MAST2: variants seen among roughly 807,000 people sequenced by gnomAD.
MAST2 encodes the protein microtubule associated serine/threonine kinase 2, also known as microtubule-associated serine/threonine-protein kinase 2.
Under a neutral mutation model 147.4 loss-of-function variants are expected in MAST2, and 70 were observed. The ratio of observed to expected loss-of-function variants is 0.47; its 90% CI spans 0.39 to 0.58. MAST2 has a LOEUF of 0.58. MAST2 is among the 20% of genes least tolerant of loss of function. MAST2 has a pLI of 0.00. For synonymous variants in MAST2, 869 were observed against 896.8 expected (o/e 0.97, Z 0.55); for missense variants, 2,080 against 2,302.3 (o/e 0.90, Z 1.98).
chr1:45,805,449 G>A (rs186427665), intron 1 of MAST2, among the ~76,000 whole-genome samples: 12 of 67,052 alleles, frequency 1.8e-4, no homozygotes, highest in African/African-American at 3.8e-4. Context: ...TCTCTGCCCC[G>A]CTTCTAGCTG....
At position 45,839,113 on chromosome 1, in the gene MAST2, A is replaced by AT. The variant is rs1645193432; in HGVS notation, c.468+9532_468+9533insT. Among the ~76,000 whole-genome samples, 4 of 145,894 alleles carry AT rather than the reference A, an allele frequency of 2.7e-5. No individual in the cohort carries two copies. The Admixed American group carries it at 2.8e-4, about 10-fold the overall frequency. ...GTCAGCCTCCCAAGTGGCTGGGACT[A>AT]CAGGCACCATCACAAATTTTTTTTT... On this transcript the variant is annotated intron_variant, in intron 3 of 28. Transcript: ENST00000361297.
chr1:45,810,083 T>C (rs1644246828), intron 1 of MAST2, among the ~76,000 whole-genome samples: 1 of 152,240 alleles, frequency 6.6e-6, no homozygotes, highest in Non-Finnish European at 1.5e-5. Flanking sequence ...TGTCTAACAA[T>C]GCAGAGCTAA....
chr1:45,938,609 C>T (rs1015381807), intron 4 of MAST2, among the ~76,000 whole-genome samples: 1 of 152,214 alleles, frequency 6.6e-6, no homozygotes, highest in Non-Finnish European at 1.5e-5. Context: ...TTACAGGTGT[C>T]AGCCACTGCG....
In MAST2 at chr1:46,034,959, T is replaced by G; in HGVS notation, c.4290T>G (p.Leu1430=). 3.1e-6 allele frequency: 5 copies of G among 1,614,070 alleles called. No homozygotes were observed. Among genetic ancestry groups the G allele is most frequent in the Non-Finnish European group, 4.2e-6 (5 of 1,180,008 alleles). The stretch of plus-strand genomic sequence containing the variant: ...TAGCCACTTCTCGCAAGCACAGCCT[T>G]GACCTGCCCCACTCTGAACTAAAGA... ...KKLATSRKHS[L]DLPHSELKKE... is the part of the protein sequence containing the mutation. Residue 1430 remains leucine (L), a synonymous_variant, in exon 29 of 29, where the codon CTT becomes CTG. Coordinates refer to ENST00000361297, the MANE Select transcript of MAST2 (RefSeq NM_015112.3).
chr1:45,928,300 A>G (rs1274781435), intron 4 of MAST2, among the ~76,000 whole-genome samples: 1 of 152,244 alleles, frequency 6.6e-6, no homozygotes, highest in Non-Finnish European at 1.5e-5. Flanking sequence ...TAATCACAGT[A>G]TTATTACCAC....
chr1:45,935,947 T>G (rs560388071), intron 4 of MAST2, among the ~76,000 whole-genome samples: 9 of 152,382 alleles, frequency 5.9e-5, no homozygotes, highest in African/African-American at 2.2e-4. Flanking sequence ...GTTGGTAGTT[T>G]GAGAGGAATA....
rs564511182 is a variant in MAST2 at position 45,890,533 on chromosome 1, T to A, written c.500+8138T>A. Among the ~76,000 whole-genome samples, 74 of 152,286 alleles carry A rather than the reference T, an allele frequency of 4.9e-4. 1 individual carries two copies. The South Asian group carries it at 0.014, about 30-fold the overall frequency. On this transcript the variant is annotated intron_variant, in intron 4 of 28. Transcript: ENST00000361297. The stretch of plus-strand genomic sequence containing the variant: ...CTTCTTCCTTCTCCCTCCTTCCTTA[T>A]TTTTTCCTTCATTTTCAAGCCCAAC...
intron 1 of MAST2, among the ~76,000 whole-genome samples, chr1:45,818,292 C>T (rs947412826): frequency 1.3e-5 from 2 of 152,150 alleles, no homozygotes; most frequent in East Asian, 3.8e-4. Flanking sequence ...AGACTGACAG[C>T]AGACCACCAA....
At chr1:45,945,779 G>C (rs1488675002) in intron 4 of MAST2, among the ~76,000 whole-genome samples, 1 of 152,198 alleles carries the variant, frequency 6.6e-6, no homozygotes, top group Non-Finnish European at 1.5e-5. Context: ...GTCTAGAAAT[G>C]TAACCTGTGA....
chr1:46,023,675 GCATTA>G lies in MAST2; in HGVS notation c.1572-96_1572-92del. On this transcript the variant is annotated intron_variant, in intron 14 of 28. Transcript: ENST00000361297. The surrounding 1 kb of genome is among the most constrained non-coding windows in gnomAD (Gnocchi z 4.9). ...GCATGCCCTTGCCCCCTTGTTCTGT[GCATTA>G]ATTAAGGTGTGAGAGAAGGCAGTTT... 2 of 1,096,596 alleles carry G rather than the reference GCATTA, an allele frequency of 1.8e-6. No homozygotes were observed. Among genetic ancestry groups the G allele is most frequent in the Non-Finnish European group, 2.7e-6 (2 of 746,870 alleles). 67.9% of individuals were successfully genotyped at this position (1,096,596 alleles called of 1,614,324 possible).
intron 4 of MAST2, among the ~76,000 whole-genome samples, chr1:45,918,445 T>G (rs1652910012): frequency 6.6e-6 from 1 of 152,218 alleles, no homozygotes; most frequent in Admixed American, 6.5e-5. Flanking sequence ...TAAACAATTT[T>G]GAGGCTTTTT....
chr1:45,862,618 T>C (rs1247409724), intron 3 of MAST2, among the ~76,000 whole-genome samples: 1 of 152,028 alleles, frequency 6.6e-6, no homozygotes, highest in Non-Finnish European at 1.5e-5. Context: ...TACAGCTGCC[T>C]GCCATCATGC....
Position 45,979,085 on chromosome 1 carries a change from G to T in MAST2, c.593-18639G>T, listed in dbSNP as rs559873826. 6.6e-5 allele frequency among the ~76,000 whole-genome samples: 10 copies of T among 152,260 alleles called. No homozygotes were observed. The South Asian group carries it at 2.1e-3, about 32-fold the overall frequency. On this transcript the variant is annotated intron_variant, in intron 5 of 28. Coordinates refer to ENST00000361297, the MANE Select transcript of MAST2 (RefSeq NM_015112.3). ...TAGAGTTGCATATTTAGTTGGTAAA[G>T]CTATAAGGAAATGATTATCATAATA...
chr1:45,929,985 A>G (rs1655012998), intron 4 of MAST2, among the ~76,000 whole-genome samples: 2 of 152,222 alleles, frequency 1.3e-5, no homozygotes, highest in African/African-American at 2.4e-5. Context: ...AGCCTTGCCA[A>G]CAATATGATT....
intron 4 of MAST2, among the ~76,000 whole-genome samples, chr1:45,936,877 C>A (rs529821854): frequency 6.6e-6 from 1 of 152,070 alleles, no homozygotes. Flanking sequence ...CAGGGGCCTG[C>A]ACATTTTGAA....
At chr1:45,965,021 G>T (rs1660967394) in intron 5 of MAST2, among the ~76,000 whole-genome samples, 1 of 152,104 alleles carries the variant, frequency 6.6e-6, no homozygotes, top group Non-Finnish European at 1.5e-5. Context: ...CCATGTAGTT[G>T]GGCGATTTTG....
At chr1:45,966,269 G>C (rs189911319) in intron 5 of MAST2, among the ~76,000 whole-genome samples, 59 of 152,210 alleles carry the variant, frequency 3.9e-4, no homozygotes, top group African/African-American at 1.4e-3. Context: ...ACCTACTGAA[G>C]GGCATCTTGG....
intron 4 of MAST2, among the ~76,000 whole-genome samples, chr1:45,941,008 T>C (rs1026208769): frequency 6.6e-6 from 1 of 152,192 alleles, no homozygotes; most frequent in Non-Finnish European, 1.5e-5. Flanking sequence ...GCTGGCAAGC[T>C]CTGATTGGTG....
At chr1:45,861,282 G>GAA (rs1025029566) in intron 3 of MAST2, among the ~76,000 whole-genome samples, 1 of 152,170 alleles carries the variant, frequency 6.6e-6, no homozygotes, top group African/African-American at 2.4e-5. Context: ...GTCTACTGAA[G>GAA]AAAGCCACAC....
Sources: allele counts gnomAD v4.1 joint callset (sites outside exome capture counted in the v4.1 genomes callset), GRCh38; gene constraint gnomAD v4.1.1; non-coding constraint Gnocchi (gnomAD v3.1); transcripts MANE v1.5; gene names NCBI Gene and HGNC (gene_info 2026-07-23, HGNC 2026-07-21).